Variants in ADAMTS10 observed in about 807,000 individuals in gnomAD.
ADAMTS10 encodes the protein A disintegrin and metalloproteinase with thrombospondin motifs 10.
In ADAMTS10, 48 loss-of-function variants were observed where a neutral mutation model predicts 135.9. The ratio of observed to expected loss-of-function variants is 0.35; its 90% CI spans 0.28 to 0.45. ADAMTS10 has a LOEUF of 0.45. ADAMTS10 is among the 20% of genes least tolerant of loss of function. ADAMTS10 has a pLI of 1.00. For synonymous variants in ADAMTS10, 621 were observed against 647.5 expected (o/e 0.96, Z 0.62); for missense variants, 1,131 against 1,565.2 (o/e 0.72, Z 4.68).
At position 8,603,608 on chromosome 19, in the gene ADAMTS10, C is replaced by T; in HGVS notation, c.592+120G>A. The T allele has an allele frequency of 2.8e-6, 4 of 1,441,978 alleles. No individual in the cohort carries two copies. In the East Asian group the frequency reaches 9.5e-5, roughly 34 times the overall value. The allele number at this position is 1,441,978 out of a possible 1,614,324, so 89.3% of individuals were successfully genotyped here. ...TAATTATATCACTGTGTCCCCTTCT[C>T]AGCAGCTCCATTCTTCCCCTCACAT... On this transcript the variant is annotated intron_variant, in intron 5 of 25. Coordinates refer to ENST00000597188, the MANE Select transcript of ADAMTS10 (RefSeq NM_030957.4).
intron 18 of ADAMTS10, among the ~76,000 whole-genome samples, chr19:8,588,884 C>G (rs1555737991): frequency 6.6e-6 from 1 of 150,776 alleles, no homozygotes; most frequent in Admixed American, 6.6e-5. Context: ...CTCCACCTCC[C>G]AGGTTCAAGC....
chr19:8,601,364 T>TA lies in ADAMTS10; in HGVS notation c.593-220_593-219insT, dbSNP rs1202184485. Among the ~76,000 whole-genome samples, 245 of 76,884 alleles carry TA rather than the reference T, an allele frequency of 3.2e-3. 2 individuals are homozygous for TA. Among genetic ancestry groups the TA allele is most frequent in the Middle Eastern group, 6.3e-3 (1 of 158 alleles). 50.4% of individuals were successfully genotyped at this position (76,884 alleles called of 152,430 possible). A position where few individuals can be genotyped will look rare whatever the true frequency, so the allele number is the denominator to read the frequency against. On this transcript the variant is annotated intron_variant, in intron 5 of 25. Transcript: ENST00000597188. This position sits in a 1 kb window ranked among gnomAD's most constrained non-coding sequence, Gnocchi z 4.6. ...AACACCTCATCGTTTTTCTTATTCT[T>TA]TTTTTTTTTTTTTTTGAGACGGAGT...
Position 8,591,906 on chromosome 19 carries a change from G to A in ADAMTS10, c.1734-43C>T, listed in dbSNP as rs1282317464. ...ATAGGAGAGGGATGAGGCAGTGGGCGATGGGGGCAGGGGTCGCGCTGCCCT... is the reference window on the plus strand; with the variant it reads ...ATAGGAGAGGGATGAGGCAGTGGGCAATGGGGGCAGGGGTCGCGCTGCCCT... On this transcript the variant is annotated intron_variant, in intron 14 of 25. Transcript: ENST00000597188. 9 of 1,611,956 alleles carry A rather than the reference G, an allele frequency of 5.6e-6. No individual in the cohort carries two copies. In the South Asian group the frequency reaches 6.6e-5, roughly 12 times the overall value.
At chr19:8,602,118 C>G (rs1031691576) in intron 5 of ADAMTS10, among the ~76,000 whole-genome samples, 28 of 152,258 alleles carry the variant, frequency 1.8e-4, no homozygotes, top group Admixed American at 7.2e-4. Context: ...AACTGCATTG[C>G]AGTTAGAACA....
intron 13 of ADAMTS10, 75 bp from the exon 14 acceptor site, chr19:8,592,178 C>G (rs1555739153): frequency 6.4e-7 from 1 of 1,551,270 alleles, no homozygotes; most frequent in East Asian, 2.3e-5. Context: ...GTTCCCCACT[C>G]CAGGCCCCAG....
Position 8,586,197 on chromosome 19 carries a change from G to A in ADAMTS10, c.2585C>T (p.Ala862Val). Residue 862 changes from alanine to valine, a missense_variant, in exon 22 of 26, where the codon GCC (alanine) becomes GTC (valine). This residue lies in a region of ADAMTS10 where 745 missense variants were observed against 1,056.3 expected (regional missense o/e 0.71). Transcript: ENST00000597188. ...GCTGTGGGCACTGCAGTAGTGGGGG[G>A]CGACCGCGGAGCTGTCCAGCTGGTT... Reference protein sequence around the residue: ...CRNQLDSSAVAPHYCSAHSKL... With the variant: ...CRNQLDSSAVVPHYCSAHSKL... The A allele has an allele frequency of 2.5e-6, 4 of 1,613,046 alleles. No homozygotes were observed. The highest frequency in any genetic ancestry group is 3.4e-6 in the Non-Finnish European group (4 of 1,179,956).
chr19:8,606,256 T>A (rs542695236), intron 2 of ADAMTS10, among the ~76,000 whole-genome samples: 2 of 152,032 alleles, frequency 1.3e-5, no homozygotes, highest in East Asian at 3.9e-4. Flanking sequence ...GAGACGGGGG[T>A]CTCACTTTGT....
rs782428779 is a variant in ADAMTS10 at position 8,586,331 on chromosome 19, C to T, written c.2530+13G>A. 2 of 1,613,298 alleles carry T rather than the reference C, an allele frequency of 1.2e-6. No homozygotes were observed. The highest frequency in any genetic ancestry group is 2.2e-5 in the East Asian group (1 of 44,878). On this transcript the variant is annotated intron_variant, in intron 21 of 25. Transcript: ENST00000597188. ...CCCAGGTATCTTGTGCCTTCCCCCA[C>T]CCCCGGCCTCACCGCCTGCACACTG...
chr19:8,595,702 T>TACC, intron 12 of ADAMTS10, 60 bp downstream of exon 12: 122 of 894,148 alleles, frequency 1.4e-4, no homozygotes, highest in Non-Finnish European at 1.9e-4. Context: ...TGGAGTTCCC[T>TACC]CCCCCAGCCC....
At chr19:8,592,325 G>T in intron 13 of ADAMTS10, 1 of 869,566 alleles carries the variant, frequency 1.2e-6, no homozygotes, top group Non-Finnish European at 1.7e-6. Context: ...GGTGCTTAAC[G>T]GGGAGGGGTG....
chr19:8,586,265 T>C lies in ADAMTS10; in HGVS notation c.2531-14A>G, dbSNP rs782180979. On this transcript the variant is annotated splice_polypyrimidine_tract_variant and intron_variant, in intron 21 of 25. Coordinates refer to ENST00000597188, the MANE Select transcript of ADAMTS10 (RefSeq NM_030957.4). ...GCACCTGGCTACCTGGAGGGGAGGG[T>C]GAGAGGCCTGCTCAGCCCCTCCCGG... The C allele has an allele frequency of 3.7e-6, 6 of 1,612,854 alleles. No homozygotes were observed. In the South Asian group the frequency reaches 6.6e-5, roughly 18 times the overall value.
Position 8,601,223 on chromosome 19 carries a change from C to T in ADAMTS10, c.593-78G>A. ...CTGCCTGACAACTGTCTTGTCCAAC[C>T]TCTGACTGGCTACCTCTCTACCCAA... is the stretch of plus-strand genomic sequence containing the variant. On this transcript the variant is annotated intron_variant, in intron 5 of 25. Coordinates refer to ENST00000597188, the MANE Select transcript of ADAMTS10 (RefSeq NM_030957.4). The surrounding 1 kb of genome is among the most constrained non-coding windows in gnomAD (Gnocchi z 4.6). 1 of 1,465,864 alleles carries T rather than the reference C, an allele frequency of 6.8e-7. No homozygotes were observed. The highest frequency in any genetic ancestry group is 9.3e-7 in the Non-Finnish European group (1 of 1,072,590). 90.8% of individuals were successfully genotyped at this position (1,465,864 alleles called of 1,614,324 possible).
At chr19:8,604,632 C>T (rs2042700347) in intron 4 of ADAMTS10, among the ~76,000 whole-genome samples, 1 of 151,440 alleles carries the variant, frequency 6.6e-6, no homozygotes, top group African/African-American at 2.4e-5. Flanking sequence ...CATACACATA[C>T]CACCATGCCT....
At chr19:8,607,834 C>T (rs1457700438) in intron 2 of ADAMTS10, among the ~76,000 whole-genome samples, 1 of 147,118 alleles carries the variant, frequency 6.8e-6, no homozygotes, top group Non-Finnish European at 1.5e-5. Context: ...TTTTTTGAGA[C>T]GGAGTCTCAC....
chr19:8,592,674 A>C, intron 13 of ADAMTS10, 89 bp downstream of exon 13: 1 of 1,342,618 alleles, frequency 7.4e-7, no homozygotes, highest in Non-Finnish European at 1.0e-6. Context: ...GGAGCAGATA[A>C]TAGGCCGAAG....
chr19:8,592,685 GA>G, intron 13 of ADAMTS10, 77 bp downstream of exon 13: 1 of 1,401,974 alleles, frequency 7.1e-7, no homozygotes, highest in Non-Finnish European at 9.8e-7. Flanking sequence ...TAGGCCGAAG[GA>G]CAGGCGGGTA....
chr19:8,583,355 A>G (rs1392728633), intron 25 of ADAMTS10, among the ~76,000 whole-genome samples: 2 of 151,318 alleles, frequency 1.3e-5, no homozygotes, highest in Non-Finnish European at 1.5e-5. Flanking sequence ...AGCCTGGCCA[A>G]TATGGTGAAA....
intron 6 of ADAMTS10, 138 bp from the exon 7 acceptor site, chr19:8,597,455 GTTT>G: frequency 1.3e-6 from 1 of 764,614 alleles, no homozygotes; most frequent in Non-Finnish European, 2.2e-6. Context: ...TGCTATTAGG[GTTT>G]TTTGTTGCTG....
chr19:8,589,391 C>G (rs370749995), intron 17 of ADAMTS10, 26 bp from the exon 18 acceptor site: 13 of 1,611,012 alleles, frequency 8.1e-6, no homozygotes, highest in Non-Finnish European at 1.1e-5. Context: ...GTGAGTGAGG[C>G]GACCCCCTAA....
Sources: allele counts gnomAD v4.1 joint callset (sites outside exome capture counted in the v4.1 genomes callset), GRCh38; gene constraint gnomAD v4.1.1; regional missense constraint gnomAD v4.1.1; non-coding constraint Gnocchi (gnomAD v3.1); transcripts MANE v1.5; gene names NCBI Gene and HGNC (gene_info 2026-07-23, HGNC 2026-07-21).